The following SCAI variants were observed in gnomAD, a reference collection of about 807,000 sequenced individuals.
SCAI encodes the protein suppressor of cancer cell invasion.
SCAI carries 24 observed loss-of-function variants against 92.2 expected under a neutral mutation model. The ratio of observed to expected loss-of-function variants is 0.26; its 90% CI spans 0.19 to 0.37. The LOEUF is 0.37. Among genes scored for constraint, SCAI ranks in the 10% least tolerant of loss-of-function variants. The pLI is 1.00. For synonymous variants in SCAI, 261 were observed against 258.6 expected (o/e 1.01, Z -0.09); for missense variants, 450 against 736.2 (o/e 0.61, Z 4.50).
chr9:125,028,691 T>A (rs1833011781), intron 4 of SCAI, among the ~76,000 whole-genome samples: 1 of 148,766 alleles, frequency 6.7e-6, no homozygotes. Context: ...CTTTGGCCAA[T>A]AAACATATAT....
At chr9:125,003,373 A>G in intron 10 of SCAI, 96 bp downstream of exon 10, 1 of 1,037,154 alleles carries the variant, frequency 9.6e-7, no homozygotes, top group Non-Finnish European at 1.5e-6. Context: ...TGAATTCTTT[A>G]TTCAAGGCTG....
At position 125,032,195 on chromosome 9, in the gene SCAI, A is replaced by ATATATATTT. The variant is rs1177865840; in HGVS notation, c.231-2457_231-2456insAAATATATA. Among the ~76,000 whole-genome samples the ATATATATTT allele has an allele frequency of 4.6e-3, 458 of 99,340 alleles. 1 individual carries two copies. The highest frequency in any genetic ancestry group is 6.0e-3 in the Middle Eastern group (1 of 168). The allele number at this position is 99,340 out of a possible 152,430, so 65.2% of individuals were successfully genotyped here. On this transcript the variant is annotated intron_variant, in intron 3 of 17. Coordinates refer to ENST00000336505, the MANE Select transcript of SCAI (RefSeq NM_001144877.3). ...AATATATATATATATATATATATAT[A>ATATATATTT]TTTTTTTTTTTTTTTGAGATGGAGT...
rs183689407 is a variant in SCAI at position 125,018,725 on chromosome 9, A to G, written c.861+74T>C. 444 of 1,314,432 alleles carry G rather than the reference A, an allele frequency of 3.4e-4. 2 individuals are homozygous for G. The African/African-American group carries it at 3.6e-3, about 11-fold the overall frequency. The allele number at this position is 1,314,432 out of a possible 1,614,324, so 81.4% of individuals were successfully genotyped here. ...AGAGGATGTTAGGATATTTATAAGAAAATAATTCTGTGATCATCAATAGCA... is the reference window on the plus strand; with the variant it reads ...AGAGGATGTTAGGATATTTATAAGAGAATAATTCTGTGATCATCAATAGCA... On this transcript the variant is annotated intron_variant, in intron 9 of 17. Coordinates refer to ENST00000336505, the MANE Select transcript of SCAI (RefSeq NM_001144877.3).
At chr9:125,011,891 A>G (rs1367577059) in intron 9 of SCAI, among the ~76,000 whole-genome samples, 5 of 152,302 alleles carry the variant, frequency 3.3e-5, no homozygotes, top group Non-Finnish European at 4.4e-5. Flanking sequence ...ATTCTTAAAG[A>G]AAAGAATTTT....
At chr9:125,110,616 C>T (rs1187913297) in intron 2 of SCAI, among the ~76,000 whole-genome samples, 1 of 152,114 alleles carries the variant, frequency 6.6e-6, no homozygotes, top group African/African-American at 2.4e-5. Flanking sequence ...CTGGTTGCCT[C>T]CCCACTCTCT....
At chr9:125,137,664 A>G (rs975593498) in intron 2 of SCAI, among the ~76,000 whole-genome samples, 1 of 152,036 alleles carries the variant, frequency 6.6e-6, no homozygotes, top group African/African-American at 2.4e-5. Context: ...GCAGTGGTGC[A>G]ATCTCAGCTC....
chr9:125,048,641 G>A (rs1021725900), intron 3 of SCAI, among the ~76,000 whole-genome samples: 1 of 151,948 alleles, frequency 6.6e-6, no homozygotes, highest in African/African-American at 2.4e-5. Flanking sequence ...TCCATTTTAG[G>A]AAAAAGGGAA....
intron 2 of SCAI, among the ~76,000 whole-genome samples, chr9:125,117,935 GTCTCAGTT>G (rs1835080823): frequency 6.6e-6 from 1 of 152,050 alleles, no homozygotes; most frequent in Admixed American, 6.6e-5. Context: ...AATTTCCTAA[GTCTCAGTT>G]TCTCTTTCTA....
chr9:124,959,131 T>C (rs1448746238), intron 17 of SCAI, among the ~76,000 whole-genome samples: 4 of 151,632 alleles, frequency 2.6e-5, no homozygotes, highest in Non-Finnish European at 4.4e-5. Flanking sequence ...ATGGGAGGGA[T>C]AGCATTAGGA....
chr9:124,950,504 G>C lies in SCAI; in HGVS notation c.*2303C>G, dbSNP rs1334738577. ...ATTAGAGGACAGGAAACTCTGTGTT[G>C]GTAGGAGCATAACTGGCACAGGACT... On this transcript the variant is annotated 3_prime_UTR_variant, in exon 18 of 18. Coordinates refer to ENST00000336505, the MANE Select transcript of SCAI (RefSeq NM_001144877.3). The C allele has an allele frequency of 6.6e-6, 1 of 152,050 alleles. No homozygotes were observed. Among genetic ancestry groups the C allele is most frequent in the Non-Finnish European group, 1.5e-5 (1 of 68,036 alleles). The allele number at this position is 152,050 out of a possible 1,614,324, so 9.4% of individuals were successfully genotyped here.
At chr9:125,114,992 C>T (rs1356944156) in intron 2 of SCAI, among the ~76,000 whole-genome samples, 1 of 151,956 alleles carries the variant, frequency 6.6e-6, no homozygotes, top group Admixed American at 6.6e-5. Flanking sequence ...AGGCTGGTCT[C>T]GAACTCCTGA....
At chr9:124,986,236 A>G (rs1455680931) in intron 14 of SCAI, among the ~76,000 whole-genome samples, 1 of 152,214 alleles carries the variant, frequency 6.6e-6, no homozygotes, top group Non-Finnish European at 1.5e-5. Flanking sequence ...GATTGCAGTG[A>G]GCCGAGATCA....
intron 17 of SCAI, among the ~76,000 whole-genome samples, chr9:124,966,792 T>C (rs76083687): frequency 5.3e-5 from 8 of 152,022 alleles, no homozygotes; most frequent in Admixed American, 3.9e-4. Context: ...GTTTTTTTTT[T>C]CTAAGAGATA....
chr9:124,967,662 T>TACACAC (rs59150863), intron 17 of SCAI, among the ~76,000 whole-genome samples: 4,642 of 150,606 alleles, frequency 0.031, 215 homozygotes, highest in East Asian at 0.23. Flanking sequence ...AATAAAAAAA[T>TACACAC]ACACACACAC....
chr9:124,971,567 G>C, intron 16 of SCAI, 97 bp from the exon 17 acceptor site: 1 of 1,394,570 alleles, frequency 7.2e-7, no homozygotes, highest in Non-Finnish European at 9.9e-7. Context: ...CAACTTTCCT[G>C]CCTGGGACAC....
chr9:125,086,444 G>A (rs1834327919), intron 2 of SCAI, among the ~76,000 whole-genome samples: 2 of 152,198 alleles, frequency 1.3e-5, no homozygotes, highest in Admixed American at 6.5e-5. Flanking sequence ...CTCATCACTG[G>A]AGGGTCTCAG....
chr9:125,068,390 C>A (rs367849185), intron 2 of SCAI, among the ~76,000 whole-genome samples: 1 of 152,014 alleles, frequency 6.6e-6, no homozygotes, highest in Non-Finnish European at 1.5e-5. Context: ...GTTCCAGCTA[C>A]TCGGGAAGCT....
chr9:124,945,438 C>G lies in SCAI; in HGVS notation c.*7369G>C, dbSNP rs2131559208. On this transcript the variant is annotated 3_prime_UTR_variant, in exon 18 of 18. Transcript: ENST00000336505. ...GTCGTGGTGGCACACGCCTGTAATCCCAGCTACTTGGGAGGCTGAGGCAGG... is the reference window on the plus strand; with the variant it reads ...GTCGTGGTGGCACACGCCTGTAATCGCAGCTACTTGGGAGGCTGAGGCAGG... The G allele has an allele frequency of 6.6e-6, 1 of 152,142 alleles. No homozygotes were observed. The highest frequency in any genetic ancestry group is 3.4e-3 in the Middle Eastern group (1 of 296). 9.4% of individuals were successfully genotyped at this position (152,142 alleles called of 1,614,324 possible). A position where few individuals can be genotyped will look rare whatever the true frequency, so the allele number is the denominator to read the frequency against.
chr9:125,128,052 G>T (rs1195999190), intron 2 of SCAI, among the ~76,000 whole-genome samples: 4 of 151,658 alleles, frequency 2.6e-5, no homozygotes, highest in Admixed American at 2.6e-4. Flanking sequence ...GTGGCTCACA[G>T]CTATAATTCC....
Sources: gnomAD v4.1 joint callset for allele counts (sites outside exome capture counted in the v4.1 genomes callset) on GRCh38, gnomAD v4.1.1 for gene constraint, MANE v1.5 for transcripts, NCBI Gene and HGNC (gene_info 2026-07-23, HGNC 2026-07-21) for gene names.